Variants in AMPH observed in about 807,000 individuals in gnomAD.
The protein encoded by AMPH is amphiphysin (Stiff-Mann syndrome with breast cancer 128kD autoantigen).
Under a neutral mutation model 99.1 loss-of-function variants are expected in AMPH, and 49 were observed. That is an observed-to-expected ratio of 0.49 (90% CI 0.39 to 0.63). The LOEUF (loss-of-function observed/expected upper bound fraction) is 0.63, where lower values mean the gene tolerates loss of function less well. Ranked by LOEUF, AMPH falls within the 20% of genes least tolerant of loss-of-function variation. The pLI, the probability that AMPH is intolerant of heterozygous loss-of-function variation, is 0.00. For missense variants in AMPH, 759 were observed against 863.4 expected (o/e 0.88, Z 1.52); for synonymous variants, 314 against 317.3 (o/e 0.99, Z 0.11).
intron 1 of AMPH, among the ~76,000 whole-genome samples, chr7:38,551,432 T>C (rs1181540655): frequency 6.6e-6 from 1 of 152,222 alleles, no homozygotes; most frequent in Non-Finnish European, 1.5e-5. Context: ...TTGAAGTAAA[T>C]GCAGGTTTTC....
At chr7:38,629,740 A>G (rs944788903) in intron 1 of AMPH, among the ~76,000 whole-genome samples, 1 of 152,076 alleles carries the variant, frequency 6.6e-6, no homozygotes, top group Non-Finnish European at 1.5e-5. Context: ...GGTAAAATGA[A>G]GTGTGGAAAA....
chr7:38,626,859 G>A (rs1021966267), intron 1 of AMPH, among the ~76,000 whole-genome samples: 3 of 151,422 alleles, frequency 2.0e-5, no homozygotes, highest in Non-Finnish European at 4.4e-5. Context: ...AAAAGTAGGC[G>A]AAGGATATAC....
rs191406031 is a variant in AMPH, at chr7:38,612,371, C to T, written c.69+18912G>A. On this transcript the variant is annotated intron_variant, in intron 1 of 20. Transcript: ENST00000356264. The stretch of plus-strand genomic sequence containing the variant: ...GATTACAGGCATGAACCACCGCACC[C>T]GGCCTGTTTTTGTCTTTTTACAAAT... Among the ~76,000 whole-genome samples the T allele has an allele frequency of 1.5e-3, 230 of 152,118 alleles. 1 individual carries two copies. The highest frequency in any genetic ancestry group is 6.8e-3 in the Middle Eastern group (2 of 294).
At chr7:38,555,617 C>A (rs1170986944) in intron 1 of AMPH, among the ~76,000 whole-genome samples, 7 of 152,062 alleles carry the variant, frequency 4.6e-5, no homozygotes, top group African/African-American at 1.7e-4. Flanking sequence ...ATAATAAATT[C>A]ATTTCCAGAA....
At chr7:38,561,368 G>A (rs553834674) in intron 1 of AMPH, among the ~76,000 whole-genome samples, 46 of 152,300 alleles carry the variant, frequency 3.0e-4, no homozygotes, top group African/African-American at 1.1e-3. Flanking sequence ...TCCAGAAAGT[G>A]TCATATGTAC....
In AMPH at chr7:38,620,308, T is replaced by C. The variant is rs758731559; in HGVS notation, c.69+10975A>G. ...CTCTCTGCCCCACCCCCGTGTACATTATATACCAATTCATTGGAGATATAT... is the reference window on the plus strand; with the variant it reads ...CTCTCTGCCCCACCCCCGTGTACATCATATACCAATTCATTGGAGATATAT... On this transcript the variant is annotated intron_variant, in intron 1 of 20. Transcript: ENST00000356264. Among the ~76,000 whole-genome samples the C allele has an allele frequency of 1.4e-4, 21 of 150,264 alleles. 1 individual carries two copies. The Middle Eastern group carries it at 0.01, about 73-fold the overall frequency.
intron 2 of AMPH, among the ~76,000 whole-genome samples, chr7:38,503,975 A>G (rs1308676535): frequency 6.6e-6 from 1 of 152,222 alleles, no homozygotes; most frequent in Non-Finnish European, 1.5e-5. Flanking sequence ...GAGCTATCAA[A>G]TTTCTAGATT....
In AMPH at chr7:38,390,961, C is replaced by CAG. The variant is rs199667568; in HGVS notation, c.1878+785_1878+786dup. Reference sequence around the variant, plus strand: ...ACTTTCTAATGGAGAGAGACAAAGACAGAGAGAGAGAGAGAGAGAGAGAGA... The same window carrying CAG: ...ACTTTCTAATGGAGAGAGACAAAGACAGAGAGAGAGAGAGAGAGAGAGAGAGA... On this transcript the variant is annotated intron_variant, in intron 19 of 20. Transcript: ENST00000356264. 9.2e-3 allele frequency among the ~76,000 whole-genome samples: 1,188 copies of CAG among 129,032 alleles called. 17 individuals are homozygous for CAG. Among genetic ancestry groups the CAG allele is most frequent in the East Asian group, 0.04 (147 of 3,656 alleles). 84.7% of individuals were successfully genotyped at this position (129,032 alleles called of 152,430 possible). A position where few individuals can be genotyped will look rare whatever the true frequency, so the allele number is the denominator to read the frequency against.
intron 2 of AMPH, among the ~76,000 whole-genome samples, chr7:38,511,397 C>G (rs1267712238): frequency 6.6e-6 from 1 of 152,092 alleles, no homozygotes; most frequent in Non-Finnish European, 1.5e-5. Context: ...TTTTAAGTAT[C>G]AAAGACACAG....
intron 12 of AMPH, 54 bp downstream of exon 12, chr7:38,436,218 T>A: frequency 2.3e-6 from 3 of 1,303,604 alleles, no homozygotes; most frequent in Non-Finnish European, 3.3e-6. Flanking sequence ...GTTACCACAC[T>A]GAGCTTACTG....
chr7:38,458,339 C>T (rs1445401016), intron 11 of AMPH, among the ~76,000 whole-genome samples: 2 of 152,184 alleles, frequency 1.3e-5, no homozygotes, highest in East Asian at 3.9e-4. Flanking sequence ...GAGGAAAGAA[C>T]TCTCCCTAAC....
intron 5 of AMPH, among the ~76,000 whole-genome samples, chr7:38,482,200 C>T (rs1788309873): frequency 6.6e-6 from 1 of 152,062 alleles, no homozygotes; most frequent in South Asian, 2.1e-4. Flanking sequence ...TCTATGTATG[C>T]TCCAGTTTCC....
At chr7:38,395,182 A>G (rs751950696) in intron 17 of AMPH, among the ~76,000 whole-genome samples, 8 of 152,068 alleles carry the variant, frequency 5.3e-5, no homozygotes, top group Admixed American at 2.6e-4. Context: ...AAACTTTCAA[A>G]TCTTTGTGAG....
chr7:38,571,271 A>ATATATT (rs1487572267), intron 1 of AMPH, among the ~76,000 whole-genome samples: 9 of 37,466 alleles, frequency 2.4e-4, no homozygotes, highest in Admixed American at 4.4e-4. Flanking sequence ...ATATATTTAT[A>ATATATT]TATATATTTT....
chr7:38,454,073 C>G (rs1787140403), intron 11 of AMPH, among the ~76,000 whole-genome samples: 1 of 152,174 alleles, frequency 6.6e-6, no homozygotes, highest in South Asian at 2.1e-4. Flanking sequence ...CGATAAACAC[C>G]ATTCTCAAAG....
chr7:38,545,759 G>A (rs553141386), intron 1 of AMPH, among the ~76,000 whole-genome samples: 217 of 152,186 alleles, frequency 1.4e-3, no homozygotes, highest in African/African-American at 5.0e-3. Context: ...TTCTTAAGTG[G>A]TCCCCCAAAA....
At chr7:38,404,808 T>G (rs1342382377) in intron 17 of AMPH, among the ~76,000 whole-genome samples, 1 of 152,162 alleles carries the variant, frequency 6.6e-6, no homozygotes, top group Non-Finnish European at 1.5e-5. Flanking sequence ...CAGAAAAGTT[T>G]TCCTGATCTT....
At chr7:38,562,534 C>A (rs966342151) in intron 1 of AMPH, among the ~76,000 whole-genome samples, 5 of 152,070 alleles carry the variant, frequency 3.3e-5, no homozygotes, top group Admixed American at 3.3e-4. Context: ...AGTGACAGAT[C>A]CGAGGCAAAA....
At chr7:38,518,673 G>A (rs905875273) in intron 2 of AMPH, among the ~76,000 whole-genome samples, 22 of 152,160 alleles carry the variant, frequency 1.4e-4, no homozygotes, top group Admixed American at 1.0e-3. Flanking sequence ...TGATTTCACA[G>A]GCTCACAGCT....
Sources: allele counts gnomAD v4.1 joint callset (sites outside exome capture counted in the v4.1 genomes callset), GRCh38; gene constraint gnomAD v4.1.1; transcripts MANE v1.5; gene names NCBI Gene and HGNC (gene_info 2026-07-23, HGNC 2026-07-21).